Variants in CYP7B1 observed in about 807,000 individuals in gnomAD.
CYP7B1 encodes cytochrome P450 family 7 subfamily B member 1, also known as cytochrome P450 7B1.
Under a neutral mutation model 42.7 loss-of-function variants are expected in CYP7B1, and 29 were observed. The observed-to-expected ratio is 0.68, with a 90% CI of 0.51 to 0.93. The LOEUF is 0.93. Among genes scored for constraint, CYP7B1 ranks in the 40% least tolerant of loss-of-function variants. The pLI is 0.00. For synonymous variants in CYP7B1, 235 were observed against 218.2 expected (o/e 1.08, Z -0.68); for missense variants, 655 against 600.5 (o/e 1.09, Z -0.95).
At chr8:64,643,030 T>G (rs1018746840) in intron 1 of CYP7B1, among the ~76,000 whole-genome samples, 90 of 151,328 alleles carry the variant, frequency 5.9e-4, no homozygotes, top group African/African-American at 2.1e-3. Flanking sequence ...CCATACAGTT[T>G]TGTATTAGTC....
intron 1 of CYP7B1, among the ~76,000 whole-genome samples, chr8:64,672,426 C>T (rs941589076): frequency 6.6e-6 from 1 of 152,108 alleles, no homozygotes; most frequent in Non-Finnish European, 1.5e-5. Context: ...CCCTATTATT[C>T]CCCTTCTTAA....
At chr8:64,605,663 C>T (rs1805268174) in intron 4 of CYP7B1, among the ~76,000 whole-genome samples, 1 of 152,128 alleles carries the variant, frequency 6.6e-6, no homozygotes, top group African/African-American at 2.4e-5. Context: ...GCGTGTAGCT[C>T]CTGTCTAGGT....
chr8:64,670,525 G>A (rs1046152326), intron 1 of CYP7B1, among the ~76,000 whole-genome samples: 15 of 152,066 alleles, frequency 9.9e-5, no homozygotes, highest in African/African-American at 3.1e-4. Flanking sequence ...TAGCTTAAAT[G>A]AGTCACCTTC....
chr8:64,728,036 T>C (rs1807348881), intron 1 of CYP7B1: 1 of 152,216 alleles, frequency 6.6e-6, no homozygotes, highest in Admixed American at 6.5e-5. Context: ...GGGTCATAAG[T>C]CGTGGGTTTA....
chr8:64,630,150 A>T (rs917107504), intron 1 of CYP7B1, among the ~76,000 whole-genome samples: 2 of 152,068 alleles, frequency 1.3e-5, no homozygotes, highest in African/African-American at 4.8e-5. Flanking sequence ...AACAGAAAGG[A>T]AGTGGGGGGA....
chr8:64,739,017 T>A (rs1807531497), intron 1 of CYP7B1, among the ~76,000 whole-genome samples: 1 of 152,208 alleles, frequency 6.6e-6, no homozygotes, highest in Non-Finnish European at 1.5e-5. Context: ...GATTCCCTTC[T>A]GTCTCTGGCA....
intron 4 of CYP7B1, among the ~76,000 whole-genome samples, chr8:64,605,575 T>A (rs951226529): frequency 8.5e-5 from 13 of 152,168 alleles, no homozygotes; most frequent in Admixed American, 8.5e-4. Flanking sequence ...CGGCAATTTA[T>A]CCTGGCAGTT....
chr8:64,634,141 A>AAAT (rs1474541895), intron 1 of CYP7B1, among the ~76,000 whole-genome samples: 1 of 152,242 alleles, frequency 6.6e-6, no homozygotes, highest in Non-Finnish European at 1.5e-5. Context: ...TTTATTTTGT[A>AAAT]GAATGGCCCT....
At chr8:64,790,233 C>T (rs1325402564) in intron 1 of CYP7B1, among the ~76,000 whole-genome samples, 3 of 152,188 alleles carry the variant, frequency 2.0e-5, no homozygotes, top group African/African-American at 7.2e-5. Context: ...AATGTTTGAT[C>T]TTCTGGGCCA....
rs549820984 is a variant in CYP7B1, at chr8:64,753,335, T to A, written c.122+45131A>T. On this transcript the variant is annotated intron_variant, in intron 1 of 5. Coordinates refer to ENST00000310193, the MANE Select transcript of CYP7B1 (RefSeq NM_004820.5). ...AAAATGTCTGTCTTCTTTGTTGAGA[T>A]CTGAAGCTTTATGTTAACATTTAGC... 2.0e-4 allele frequency among the ~76,000 whole-genome samples: 30 copies of A among 152,392 alleles called. 1 individual carries two copies. The Middle Eastern group carries it at 0.017, about 86-fold the overall frequency.
At chr8:64,674,249 C>T (rs1310206099) in intron 1 of CYP7B1, among the ~76,000 whole-genome samples, 1 of 152,128 alleles carries the variant, frequency 6.6e-6, no homozygotes, top group African/African-American at 2.4e-5. Context: ...CACACAGAGA[C>T]AGATACTTCC....
chr8:64,621,569 C>T (rs1805529930), intron 2 of CYP7B1, among the ~76,000 whole-genome samples: 1 of 152,138 alleles, frequency 6.6e-6, no homozygotes, highest in African/African-American at 2.4e-5. Flanking sequence ...ATGGTGCATT[C>T]ATGGTGTGTG....
intron 5 of CYP7B1, among the ~76,000 whole-genome samples, chr8:64,598,981 C>G (rs1805158879): frequency 6.6e-6 from 1 of 152,034 alleles, no homozygotes; most frequent in African/African-American, 2.4e-5. Context: ...CATGGAAAAC[C>G]TAAGCAGGAA....
intron 1 of CYP7B1, among the ~76,000 whole-genome samples, chr8:64,784,626 G>A (rs1401750410): frequency 6.6e-6 from 1 of 152,152 alleles, no homozygotes; most frequent in South Asian, 2.1e-4. Flanking sequence ...AACAAAATGA[G>A]TAAGAGATGG....
At chr8:64,635,370 T>C (rs903649058) in intron 1 of CYP7B1, among the ~76,000 whole-genome samples, 5 of 152,236 alleles carry the variant, frequency 3.3e-5, no homozygotes, top group African/African-American at 1.2e-4. Flanking sequence ...CACCCTCTGC[T>C]TCACAGCAAA....
chr8:64,753,153 A>T (rs1807755072), intron 1 of CYP7B1, among the ~76,000 whole-genome samples: 1 of 152,242 alleles, frequency 6.6e-6, no homozygotes, highest in African/African-American at 2.4e-5. Flanking sequence ...CTAAATGGTT[A>T]ACACTCTTTT....
At chr8:64,687,216 G>A (rs897099653) in intron 1 of CYP7B1, among the ~76,000 whole-genome samples, 1 of 152,148 alleles carries the variant, frequency 6.6e-6, no homozygotes, top group South Asian at 2.1e-4. Flanking sequence ...GGATAAAGAA[G>A]ATGTGGTATA....
At chr8:64,686,888 G>A (rs1806660110) in intron 1 of CYP7B1, among the ~76,000 whole-genome samples, 1 of 95,180 alleles carries the variant, frequency 1.1e-5, no homozygotes, top group African/African-American at 4.4e-5. Flanking sequence ...ATGGATTAAG[G>A]GCGGTGCAAG....
intron 1 of CYP7B1, among the ~76,000 whole-genome samples, chr8:64,687,187 T>G (rs1231601806): frequency 6.6e-6 from 1 of 151,902 alleles, no homozygotes; most frequent in African/African-American, 2.4e-5. Context: ...GGAATCAAAA[T>G]GTACATAAAC....
Sources: allele counts gnomAD v4.1 joint callset (sites outside exome capture counted in the v4.1 genomes callset), GRCh38; gene constraint gnomAD v4.1.1; transcripts MANE v1.5; gene names NCBI Gene and HGNC (gene_info 2026-07-23, HGNC 2026-07-21).